Variants in DCHS2 observed in about 807,000 individuals in gnomAD.
DCHS2 encodes the protein dachsous cadherin-related 2.
In DCHS2, 142 loss-of-function variants were observed where a neutral mutation model predicts 182.4. The ratio of observed to expected loss-of-function variants is 0.78; its 90% confidence interval spans 0.68 to 0.89. The LOEUF (loss-of-function observed/expected upper bound fraction) is 0.89, where lower values mean the gene tolerates loss of function less well. DCHS2 is among the 40% of genes least tolerant of loss of function. The pLI is 0.00. For missense variants in DCHS2, 4,319 were observed against 4,198.6 expected (o/e 1.03, Z -0.79); for synonymous variants, 1,740 against 1,663.3 (o/e 1.05, Z -1.12).
chr4:154,452,854 T>C (rs1046839595), intron 1 of DCHS2, among the ~76,000 whole-genome samples: 16 of 152,212 alleles, frequency 1.1e-4, no homozygotes, highest in African/African-American at 3.9e-4. Context: ...CTGGAAGTCC[T>C]TTTATTTGAC....
intron 3 of DCHS2, among the ~76,000 whole-genome samples, chr4:154,362,725 G>A (rs1434348298): frequency 2.0e-5 from 3 of 152,094 alleles, no homozygotes; most frequent in Admixed American, 1.3e-4. Flanking sequence ...CCACGAGACC[G>A]AAAGACCAAC....
At chr4:154,395,657 T>C (rs1158427252) in intron 1 of DCHS2, among the ~76,000 whole-genome samples, 1 of 152,198 alleles carries the variant, frequency 6.6e-6, no homozygotes, top group Non-Finnish European at 1.5e-5. Context: ...CAACTTTAAA[T>C]AATGAGTTAA....
At chr4:154,421,868 T>C (rs933017463) in intron 1 of DCHS2, among the ~76,000 whole-genome samples, 10 of 152,222 alleles carry the variant, frequency 6.6e-5, no homozygotes, top group Non-Finnish European at 2.9e-5. Context: ...CTCTTTAATC[T>C]GCTGCAATCT....
chr4:154,395,331 G>C (rs1731883350), intron 1 of DCHS2, among the ~76,000 whole-genome samples: 1 of 152,150 alleles, frequency 6.6e-6, no homozygotes, highest in African/African-American at 2.4e-5. Context: ...GCAGCTACAG[G>C]TGTGTGCCTC....
chr4:154,315,832 G>A lies in DCHS2; in HGVS notation c.5176C>T (p.Gln1726Ter). The A allele has an allele frequency of 6.2e-7, 1 of 1,614,006 alleles. No individual in the cohort carries two copies. The highest frequency in any genetic ancestry group is 8.5e-7 in the Non-Finnish European group (1 of 1,179,980). Residue 1726 changes from glutamine (Q) to a stop codon, truncating the protein, a stop_gained, in exon 10 of 20, where the codon CAG becomes TAG. Transcript: ENST00000357232. LOFTEE classifies it high-confidence loss of function. ...DVNDEAPVFK[Q>*]HLYEASVKEN... is the part of the protein sequence containing the mutation. ...TTCACTGAGGCTTCATACAGGTGCT[G>A]CTTAAATACTGGAGCTTCATCATTT...
At chr4:154,266,842 C>T (rs182483476) in intron 14 of DCHS2, among the ~76,000 whole-genome samples, 305 of 152,194 alleles carry the variant, frequency 2.0e-3, no homozygotes, top group Non-Finnish European at 3.2e-3. Flanking sequence ...CTACATTGTT[C>T]GTTCTGCTTT....
intron 13 of DCHS2, among the ~76,000 whole-genome samples, chr4:154,295,769 G>C (rs1734899590): frequency 6.6e-6 from 1 of 152,150 alleles, no homozygotes; most frequent in Non-Finnish European, 1.5e-5. Flanking sequence ...AATATGCCCA[G>C]TAGAGCCATC....
At chr4:154,303,633 C>A (rs1735312099) in intron 12 of DCHS2, among the ~76,000 whole-genome samples, 1 of 151,882 alleles carries the variant, frequency 6.6e-6, no homozygotes, top group Non-Finnish European at 1.5e-5. Flanking sequence ...AAGACTGGGT[C>A]CTTGGGGCTG....
At chr4:154,327,649 C>T (rs1310998055) in intron 7 of DCHS2, among the ~76,000 whole-genome samples, 1 of 152,108 alleles carries the variant, frequency 6.6e-6, no homozygotes, top group African/African-American at 2.4e-5. Context: ...TTTCCCCATA[C>T]ACACACGCAT....
chr4:154,412,763 T>C (rs1426324272), intron 1 of DCHS2, among the ~76,000 whole-genome samples: 1 of 152,166 alleles, frequency 6.6e-6, no homozygotes, highest in African/African-American at 2.4e-5. Flanking sequence ...TAACAAATGT[T>C]CACATAAGTG....
At chr4:154,473,502 T>C (rs1017068556) in intron 1 of DCHS2, among the ~76,000 whole-genome samples, 12 of 97,342 alleles carry the variant, frequency 1.2e-4, no homozygotes, top group African/African-American at 3.5e-4. Context: ...CCAGGTGACA[T>C]ATGGAAATGT....
chr4:154,440,204 A>T (rs1733944512), intron 1 of DCHS2, among the ~76,000 whole-genome samples: 2 of 152,306 alleles, frequency 1.3e-5, no homozygotes, highest in Middle Eastern at 6.8e-3. Context: ...GACGAAGCTG[A>T]TGGAGCCAGT....
intron 1 of DCHS2, among the ~76,000 whole-genome samples, chr4:154,396,212 C>T (rs1282391134): frequency 7.5e-6 from 1 of 134,038 alleles, no homozygotes; most frequent in East Asian, 2.5e-4. Flanking sequence ...GTGTACCTGG[C>T]ACATAATAGG....
At chr4:154,374,108 G>T in intron 2 of DCHS2, 1 of 633,666 alleles carries the variant, frequency 1.6e-6, no homozygotes, top group Non-Finnish European at 2.7e-6. Flanking sequence ...CACTTCTGGA[G>T]CACTGTGCTT....
chr4:154,348,117 T>G (rs763175435), intron 3 of DCHS2, among the ~76,000 whole-genome samples: 5 of 152,104 alleles, frequency 3.3e-5, no homozygotes, highest in Non-Finnish European at 7.3e-5. Flanking sequence ...TAGTCCCTTT[T>G]TGGGAGGCCC....
Position 154,490,750 on chromosome 4 carries a change from C to G in DCHS2, c.606G>C (p.Gln202His), listed in dbSNP as rs1289584471. Reference sequence around the variant, plus strand: ...CGGACGGTTGCACCAGGGTGTAGCCCTGAGTGCTGAACAGTCCGGCGTCCG... The same window carrying G: ...CGGACGGTTGCACCAGGGTGTAGCCGTGAGTGCTGAACAGTCCGGCGTCCG... Reference protein sequence around the residue: ...HDPDAGLFSTQGYTLVQPSDL... With the variant: ...HDPDAGLFSTHGYTLVQPSDL... Residue 202 changes from glutamine (Q) to histidine (H), a missense_variant, in exon 1 of 20, where the codon CAG (glutamine) becomes CAC (histidine). Transcript: ENST00000357232. The G allele has an allele frequency of 3.2e-6, 5 of 1,551,628 alleles. No homozygotes were observed. The South Asian group carries it at 4.8e-5, about 15-fold the overall frequency.
intron 16 of DCHS2, among the ~76,000 whole-genome samples, chr4:154,243,642 T>C (rs533111631): frequency 3.2e-4 from 48 of 152,286 alleles, no homozygotes; most frequent in African/African-American, 1.1e-3. Flanking sequence ...TTGCAGTGTT[T>C]TTAAAACCAA....
intron 1 of DCHS2, among the ~76,000 whole-genome samples, chr4:154,455,610 CT>C (rs1734730544): frequency 6.6e-6 from 1 of 152,218 alleles, no homozygotes; most frequent in Admixed American, 6.5e-5. Context: ...GAAACTTACA[CT>C]TGCCATGTGG....
chr4:154,397,092 C>A (rs1283388690), intron 1 of DCHS2, among the ~76,000 whole-genome samples: 1 of 152,178 alleles, frequency 6.6e-6, no homozygotes, highest in Non-Finnish European at 1.5e-5. Context: ...GCAGGAAGCA[C>A]AGGGGCATGT....
Sources: allele counts gnomAD v4.1 joint callset (sites outside exome capture counted in the v4.1 genomes callset), GRCh38; gene constraint gnomAD v4.1.1; transcripts MANE v1.5; gene names NCBI Gene and HGNC (gene_info 2026-07-23, HGNC 2026-07-21).